IQCM: variants seen among roughly 807,000 people sequenced by gnomAD.
The protein encoded by IQCM is IQ motif containing M.
IQCM carries 45 observed loss-of-function variants against 57.6 expected under a neutral mutation model. The ratio of observed to expected loss-of-function variants is 0.78; its 90% CI spans 0.62 to 1.00. IQCM has a LOEUF of 1.00. IQCM is among the 50% of genes least tolerant of loss of function. The probability of loss-of-function intolerance (pLI) is 0.00; values close to 1 mark genes in which losing one functional copy is unlikely to be tolerated. For synonymous variants in IQCM, 148 were observed against 158.9 expected, an observed-to-expected ratio of 0.93 and a Z score of 0.51; for missense variants, 468 against 511.6, an observed-to-expected ratio of 0.91 and a Z score of 0.82.
intron 2 of IQCM, among the ~76,000 whole-genome samples, chr4:149,790,584 A>T (rs1204711663): frequency 6.6e-6 from 1 of 152,194 alleles, no homozygotes; most frequent in African/African-American, 2.4e-5. Context: ...TTTTAAAACG[A>T]TTAAAGCTGG....
intron 9 of IQCM, among the ~76,000 whole-genome samples, chr4:149,573,806 T>C (rs903223838): frequency 4.0e-5 from 6 of 151,842 alleles, no homozygotes; most frequent in African/African-American, 1.4e-4. Context: ...AAAATAGTTT[T>C]GTTGGATGAT....
intron 7 of IQCM, among the ~76,000 whole-genome samples, chr4:149,626,453 A>C (rs1428024876): frequency 2.2e-5 from 3 of 137,032 alleles, no homozygotes; most frequent in Non-Finnish European, 3.2e-5. Context: ...AAGGAACCAG[A>C]AGTTTGTAGA....
chr4:149,362,805 T>A (rs1346112776), intron 13 of IQCM, among the ~76,000 whole-genome samples: 1 of 152,210 alleles, frequency 6.6e-6, no homozygotes, highest in Non-Finnish European at 1.5e-5. Flanking sequence ...AAGGGATACA[T>A]CCAGAACACT....
chr4:149,479,318 T>C (rs1313318554), intron 12 of IQCM, among the ~76,000 whole-genome samples: 1 of 152,166 alleles, frequency 6.6e-6, no homozygotes, highest in Non-Finnish European at 1.5e-5. Context: ...GGGGTAGAGA[T>C]CATAGATCCT....
At chr4:149,356,563 G>A (rs11943020) in intron 13 of IQCM, among the ~76,000 whole-genome samples, 3,412 of 152,082 alleles carry the variant, frequency 0.022, 107 homozygotes, top group African/African-American at 0.076. Flanking sequence ...GTAGATATGC[G>A]GCATTATTTC....
chr4:149,598,388 C>A (rs952903396), intron 8 of IQCM, among the ~76,000 whole-genome samples: 1 of 151,874 alleles, frequency 6.6e-6, no homozygotes, highest in Non-Finnish European at 1.5e-5. Context: ...ACAGATTAAC[C>A]ATTTATTAAA....
At chr4:149,679,811 A>C (rs955366039) in intron 7 of IQCM, among the ~76,000 whole-genome samples, 4 of 151,424 alleles carry the variant, frequency 2.6e-5, no homozygotes, top group Admixed American at 2.6e-4. Flanking sequence ...GCTATAAATT[A>C]TTATGTAGAG....
intron 12 of IQCM, among the ~76,000 whole-genome samples, chr4:149,437,123 CT>C (rs1214978384): frequency 6.6e-6 from 1 of 152,102 alleles, no homozygotes; most frequent in Non-Finnish European, 1.5e-5. Flanking sequence ...CAAAGCCTTT[CT>C]TTTAAACCAC....
At chr4:149,738,294 G>A (rs896713856) in intron 3 of IQCM, among the ~76,000 whole-genome samples, 3 of 152,300 alleles carry the variant, frequency 2.0e-5, no homozygotes, top group East Asian at 1.9e-4. Context: ...AGATACGCAC[G>A]TTTCCCTGAC....
chr4:149,480,850 G>C (rs923661616), intron 12 of IQCM, among the ~76,000 whole-genome samples: 1 of 152,080 alleles, frequency 6.6e-6, no homozygotes, highest in Non-Finnish European at 1.5e-5. Context: ...GTTGTCCTTA[G>C]TGGTTTTCCT....
At chr4:149,708,250 A>G (rs1764303163) in intron 5 of IQCM, among the ~76,000 whole-genome samples, 1 of 152,034 alleles carries the variant, frequency 6.6e-6, no homozygotes, top group Non-Finnish European at 1.5e-5. Context: ...ATCCAGCACC[A>G]AAATATAAAA....
intron 9 of IQCM, among the ~76,000 whole-genome samples, chr4:149,570,847 G>C (rs1357201494): frequency 1.3e-5 from 2 of 152,008 alleles, no homozygotes; most frequent in Non-Finnish European, 2.9e-5. Context: ...CATTCAAATA[G>C]AGATTTCCCT....
chr4:149,556,384 G>C (rs1007904713), intron 10 of IQCM, among the ~76,000 whole-genome samples: 8 of 151,084 alleles, frequency 5.3e-5, no homozygotes, highest in African/African-American at 1.7e-4. Context: ...ATTTCTGTTA[G>C]TGTGTTTCTT....
At chr4:149,388,577 T>C (rs1731607308) in intron 13 of IQCM, among the ~76,000 whole-genome samples, 1 of 100,234 alleles carries the variant, frequency 1.0e-5, no homozygotes, top group Non-Finnish European at 2.0e-5. Flanking sequence ...TACATAAATA[T>C]ATATACATAT....
intron 8 of IQCM, among the ~76,000 whole-genome samples, chr4:149,608,464 T>C (rs897476054): frequency 1.3e-5 from 2 of 151,892 alleles, no homozygotes; most frequent in Admixed American, 1.3e-4. Context: ...AAAATACACA[T>C]TCTTCTCCTC....
At chr4:149,672,848 A>C (rs543695914) in intron 7 of IQCM, among the ~76,000 whole-genome samples, 4 of 152,280 alleles carry the variant, frequency 2.6e-5, no homozygotes, top group Admixed American at 1.3e-4. Flanking sequence ...AGTTGAAATG[A>C]AGGAAAAAAT....
At chr4:149,743,615 A>T (rs968072450) in intron 2 of IQCM, among the ~76,000 whole-genome samples, 1 of 152,186 alleles carries the variant, frequency 6.6e-6, no homozygotes, top group South Asian at 2.1e-4. Flanking sequence ...GGACCTAGGC[A>T]TCTGGCATTT....
chr4:149,432,600 C>G (rs1202033019), intron 13 of IQCM, among the ~76,000 whole-genome samples: 1 of 151,842 alleles, frequency 6.6e-6, no homozygotes, highest in Non-Finnish European at 1.5e-5. Flanking sequence ...GATATGGCAG[C>G]AAAAGCATGC....
At chr4:149,656,306 T>C (rs962552878) in intron 7 of IQCM, among the ~76,000 whole-genome samples, 1 of 152,108 alleles carries the variant, frequency 6.6e-6, no homozygotes, top group Non-Finnish European at 1.5e-5. Context: ...TTTAAATATA[T>C]TAAATTTCAG....
Sources: allele counts gnomAD v4.1 joint callset (sites outside exome capture counted in the v4.1 genomes callset), GRCh38; gene constraint gnomAD v4.1.1; transcripts MANE v1.5; gene names NCBI Gene and HGNC (gene_info 2026-07-23, HGNC 2026-07-21).